The following ELAPOR2 variants were observed in gnomAD, a reference collection of about 807,000 sequenced individuals.
The protein encoded by ELAPOR2 is endosome/lysosome-associated apoptosis and autophagy regulator family member 2.
A neutral mutation model predicts 120.7 loss-of-function variants in ELAPOR2; 89 were observed. The ratio of observed to expected loss-of-function variants is 0.74; its 90% confidence interval spans 0.62 to 0.88. The LOEUF (loss-of-function observed/expected upper bound fraction) is 0.88, where lower values mean the gene tolerates loss of function less well. Among genes scored for constraint, ELAPOR2 ranks in the 40% least tolerant of loss-of-function variants. The pLI, the probability that ELAPOR2 is intolerant of heterozygous loss-of-function variation, is 0.00. For missense variants in ELAPOR2, 1,134 were observed against 1,251.6 expected, an observed-to-expected ratio of 0.91 and a Z score of 1.42; for synonymous variants, 444 against 444.9, an observed-to-expected ratio of 1.00 and a Z score of 0.03.
rs1461928095 is a variant in ELAPOR2 at position 86,942,048 on chromosome 7, A to C, written c.711T>G (p.Leu237=). The change falls in exon 5 of 22, where the codon CTT becomes CTG. Residue 237 remains leucine (L), a synonymous_variant. Coordinates refer to ENST00000450689, the MANE Select transcript of ELAPOR2 (RefSeq NM_001142749.3). ...GAGAGCCCCATTCTCCATTGTCTGTAAGTTTTACCCACTTGTCAGTGGTGG... is the reference window on the plus strand; with the variant it reads ...GAGAGCCCCATTCTCCATTGTCTGTCAGTTTTACCCACTTGTCAGTGGTGG... ...MDTTTDKWVK[L]TDNGEWGSHS... 1 of 1,549,256 alleles carries C rather than the reference A, an allele frequency of 6.5e-7. No homozygotes were observed. Among genetic ancestry groups the C allele is most frequent in the Non-Finnish European group, 8.7e-7 (1 of 1,145,038 alleles).
At chr7:86,933,845 A>C (rs1310322907) in intron 8 of ELAPOR2, among the ~76,000 whole-genome samples, 1 of 151,962 alleles carries the variant, frequency 6.6e-6, no homozygotes, top group Non-Finnish European at 1.5e-5. Flanking sequence ...GTTTCATGAC[A>C]CTCAACAGGG....
chr7:86,962,309 A>C (rs1406145801), intron 2 of ELAPOR2, among the ~76,000 whole-genome samples: 1 of 152,158 alleles, frequency 6.6e-6, no homozygotes, highest in Non-Finnish European at 1.5e-5. Context: ...ATTTTAAAGA[A>C]TTTTTAGCAG....
At chr7:86,945,087 T>G (rs560574912) in intron 3 of ELAPOR2, 41 bp from the exon 4 acceptor site, 1 of 1,525,148 alleles carries the variant, frequency 6.6e-7, no homozygotes, top group Admixed American at 2.1e-5. Flanking sequence ...ATTAATGTTC[T>G]GAAACCTCTT....
At chr7:86,899,080 TTAGACACAGGG>T (rs1391036481) in intron 18 of ELAPOR2, among the ~76,000 whole-genome samples, 4 of 152,142 alleles carry the variant, frequency 2.6e-5, no homozygotes, top group Non-Finnish European at 4.4e-5. Context: ...TGGATGGGGC[TTAGACACAGGG>T]ATAGGATCAC....
intron 9 of ELAPOR2, 28 bp from the exon 10 acceptor site, chr7:86,925,684 T>C (rs753844667): frequency 1.1e-5 from 17 of 1,607,414 alleles, no homozygotes; most frequent in Non-Finnish European, 8.5e-7. Flanking sequence ...GGTCAACAAT[T>C]AAAATTAAAC....
intron 6 of ELAPOR2, among the ~76,000 whole-genome samples, chr7:86,939,683 T>C (rs1162086891): frequency 2.6e-5 from 4 of 152,118 alleles, no homozygotes; most frequent in African/African-American, 4.8e-5. Context: ...GTAAGCCCAA[T>C]GTCTGGCACA....
At chr7:87,002,068 A>C (rs908099797) in intron 1 of ELAPOR2, among the ~76,000 whole-genome samples, 28 of 152,132 alleles carry the variant, frequency 1.8e-4, no homozygotes, top group African/African-American at 6.8e-4. Flanking sequence ...ATTTTTCATT[A>C]AGTATTACCA....
intron 1 of ELAPOR2, among the ~76,000 whole-genome samples, chr7:86,984,505 C>G (rs1792638126): frequency 6.6e-6 from 1 of 152,162 alleles, no homozygotes. Flanking sequence ...ACAGTGCAAA[C>G]AAATTAGAAC....
intron 1 of ELAPOR2, among the ~76,000 whole-genome samples, chr7:87,002,544 T>G (rs1460293057): frequency 6.6e-6 from 1 of 152,054 alleles, no homozygotes; most frequent in Non-Finnish European, 1.5e-5. Flanking sequence ...CAGGCATCAT[T>G]TCCTCCATGA....
intron 1 of ELAPOR2, among the ~76,000 whole-genome samples, chr7:87,014,407 A>G (rs776874898): frequency 6.6e-6 from 1 of 152,204 alleles, no homozygotes; most frequent in Non-Finnish European, 1.5e-5. Flanking sequence ...TAAAAGCTTC[A>G]GTGCTTATAA....
intron 8 of ELAPOR2, among the ~76,000 whole-genome samples, chr7:86,936,377 C>G (rs1790559339): frequency 6.6e-6 from 1 of 151,912 alleles, no homozygotes; most frequent in Non-Finnish European, 1.5e-5. Flanking sequence ...GCCACTTTAC[C>G]CCACTAAAAT....
chr7:86,931,374 G>A (rs77100200), intron 8 of ELAPOR2, among the ~76,000 whole-genome samples: 3,571 of 151,872 alleles, frequency 0.024, 128 homozygotes, highest in African/African-American at 0.082. Context: ...AGTGCCCAAA[G>A]GAAAGATATC....
intron 2 of ELAPOR2, among the ~76,000 whole-genome samples, chr7:86,950,495 C>T (rs1414798106): frequency 6.6e-6 from 1 of 152,104 alleles, no homozygotes; most frequent in African/African-American, 2.4e-5. Context: ...GGCTCTGTCT[C>T]CAAGCTTCTG....
chr7:86,971,607 GCTC>G (rs1275921507), intron 1 of ELAPOR2, among the ~76,000 whole-genome samples: 2 of 152,094 alleles, frequency 1.3e-5, no homozygotes, highest in African/African-American at 4.8e-5. Flanking sequence ...GTTTATCTCT[GCTC>G]CTCACCAACC....
At chr7:86,963,282 G>A (rs1224711589) in intron 2 of ELAPOR2, among the ~76,000 whole-genome samples, 1 of 152,128 alleles carries the variant, frequency 6.6e-6, no homozygotes, top group East Asian at 1.9e-4. Flanking sequence ...AGTATATAAT[G>A]AGCAAAAATG....
chr7:87,059,233 T>C, intron 1 of ELAPOR2, 92 bp downstream of exon 1: 1 of 1,234,472 alleles, frequency 8.1e-7, no homozygotes, highest in Non-Finnish European at 1.0e-6. Flanking sequence ...GAAAAGGGGA[T>C]GGCAAACAGA....
intron 18 of ELAPOR2, among the ~76,000 whole-genome samples, chr7:86,905,962 A>T (rs1032736105): frequency 7.9e-5 from 12 of 152,272 alleles, no homozygotes; most frequent in Admixed American, 7.9e-4. Flanking sequence ...TATTTTCCTT[A>T]TTACAATTAA....
chr7:87,016,166 A>G (rs1396220177), intron 1 of ELAPOR2, among the ~76,000 whole-genome samples: 2 of 152,192 alleles, frequency 1.3e-5, no homozygotes, highest in Non-Finnish European at 2.9e-5. Flanking sequence ...AAAGACTTTT[A>G]TAAATGAAAC....
At chr7:86,954,759 G>A (rs1231331231) in intron 2 of ELAPOR2, among the ~76,000 whole-genome samples, 12 of 151,870 alleles carry the variant, frequency 7.9e-5, no homozygotes, top group Admixed American at 7.9e-4. Flanking sequence ...ATATTTGTGG[G>A]GAAATATAAA....
Sources: allele counts gnomAD v4.1 joint callset (sites outside exome capture counted in the v4.1 genomes callset), GRCh38; gene constraint gnomAD v4.1.1; transcripts MANE v1.5; gene names NCBI Gene and HGNC (gene_info 2026-07-23, HGNC 2026-07-21).